BCOR: variants seen among roughly 807,000 people sequenced by gnomAD.
BCOR encodes BCL6 corepressor.
BCOR carries 10 observed loss-of-function variants against 86.7 expected under a neutral mutation model. That is an observed-to-expected ratio of 0.12 (90% confidence interval 0.07 to 0.20). BCOR has a LOEUF of 0.20. Among genes scored for constraint, BCOR ranks in the 10% least tolerant of loss-of-function variants. The pLI, the probability that BCOR is intolerant of heterozygous loss-of-function variation, is 1.00. For synonymous variants in BCOR, 611 were observed against 609.0 expected, an observed-to-expected ratio of 1.00 and a Z score of -0.05; for missense variants, 1,259 against 1,452.1, an observed-to-expected ratio of 0.87 and a Z score of 2.16.
In BCOR at chrX:40,171,968, T is replaced by G. The variant is rs756934966; in HGVS notation, c.-41+5039A>C. 2.7e-5 allele frequency among the ~76,000 whole-genome samples: 3 copies of G among 112,781 alleles called. No individual in the cohort carries two copies. In the South Asian group the frequency reaches 1.1e-3, roughly 40 times the overall value. On this transcript the variant is annotated intron_variant, in intron 1 of 14. Transcript: ENST00000342274. ...CAGAGCCTCTCTCAACGCCGGCAAG[T>G]GCAGCCGGGCCGCCCAGCCCCCAGG...
At chrX:40,139,491 ATATATATTT>A (rs1324249331) in intron 1 of BCOR, among the ~76,000 whole-genome samples, 1 of 8,278 alleles carries the variant, frequency 1.2e-4, no homozygotes, top group African/African-American at 6.9e-4. Flanking sequence ...ATATATATAT[ATATATATTT>A]TTTTTTTTTT....
chrX:40,062,066 T>A, intron 10 of BCOR, 73 bp downstream of exon 10: 1 of 1,137,246 alleles, frequency 8.8e-7, no homozygotes, highest in Non-Finnish European at 1.2e-6. Flanking sequence ...TCCATGTCCC[T>A]CCCCTCGCCC....
intron 1 of BCOR, among the ~76,000 whole-genome samples, chrX:40,160,185 G>A (rs1295511894): frequency 9.1e-6 from 1 of 109,653 alleles, no homozygotes; most frequent in Admixed American, 9.6e-5. Context: ...GCGCGATCTC[G>A]GCTCACTGCA....
chrX:40,110,362 T>C (rs1227560716), intron 1 of BCOR, among the ~76,000 whole-genome samples: 1 of 111,704 alleles, frequency 9.0e-6, no homozygotes, highest in Non-Finnish European at 1.9e-5. Context: ...AAATATACAA[T>C]TTACAAGACC....
chrX:40,063,697 G>A lies in BCOR; in HGVS notation c.3758C>T (p.Thr1253Ile), dbSNP rs1935026788. ...CCTTTTCCTGCCAGGTTTCTCTTCA[G>A]TGATGTTAGTCCCCTGAGGAATGGC... is the stretch of plus-strand genomic sequence containing the variant. ...PEAIPQGTNITEEKPGRKRAE... is the reference protein window; with the variant it reads ...PEAIPQGTNIIEEKPGRKRAE... The change falls in exon 8 of 15, where the codon ACT becomes ATT. Residue 1253 changes from threonine (T) to isoleucine (I), a missense_variant. Thr to Ile is a moderately conservative substitution (Grantham distance 89, BLOSUM62 -1). Around this residue, in one of 7 missense-constraint regions of BCOR, gnomAD observed 305 missense variants for 286.1 expected, o/e 1.07. Coordinates refer to ENST00000378444, the MANE Select transcript of BCOR (RefSeq NM_001123385.2). The A allele has an allele frequency of 8.3e-7, 1 of 1,211,445 alleles. No homozygotes were observed. The highest frequency in any genetic ancestry group is 1.1e-6 in the Non-Finnish European group (1 of 895,179).
At chrX:40,056,732 C>T (rs1026809497) in intron 11 of BCOR, among the ~76,000 whole-genome samples, 6 of 111,611 alleles carry the variant, frequency 5.4e-5, no homozygotes, top group African/African-American at 1.6e-4. Flanking sequence ...GTGAGGGCCA[C>T]GGCTGGGGAT....
At chrX:40,126,073 G>T (rs1409159433) in intron 1 of BCOR, among the ~76,000 whole-genome samples, 1 of 110,666 alleles carries the variant, frequency 9.0e-6, no homozygotes, top group Non-Finnish European at 1.9e-5. Flanking sequence ...AAAATTAGCT[G>T]GGCGTGGTGG....
rs2147254227 is a variant in BCOR at position 40,074,310 on chromosome X, G to C, written c.1036C>G (p.Pro346Ala). 1 of 1,212,243 alleles carries C rather than the reference G, an allele frequency of 8.2e-7. No homozygotes were observed. The highest frequency in any genetic ancestry group is 1.1e-6 in the Non-Finnish European group (1 of 895,658). The change falls in exon 4 of 15, where the codon CCC (proline) becomes GCC (alanine). Residue 346 changes from proline (P) to alanine (A), a missense_variant. Physicochemically the swap from Pro to Ala is conservative, Grantham distance 27. Around this residue, in one of 7 missense-constraint regions of BCOR, gnomAD observed 534 missense variants for 594.8 expected, o/e 0.90. Transcript: ENST00000378444. ...SPRPSPRVHLPTQPAADTYSE... is the reference protein window; with the variant it reads ...SPRPSPRVHLATQPAADTYSE... ...TAGGTGTCTGCAGCAGGCTGGGTGG[G>C]AAGGTGGACTCGGGGTGACGGCCGA...
chrX:40,068,008 G>A (rs1301366036), intron 6 of BCOR: 1 of 112,082 alleles, frequency 8.9e-6, no homozygotes, highest in Non-Finnish European at 1.9e-5. Flanking sequence ...TCTGTGAGTG[G>A]AATGCCATGT....
chrX:40,103,870 T>C (rs1391101248), intron 1 of BCOR, among the ~76,000 whole-genome samples: 1 of 111,970 alleles, frequency 8.9e-6, no homozygotes, highest in Admixed American at 9.5e-5. Flanking sequence ...CCCTTAGCGA[T>C]TTTGATCGGT....
intron 1 of BCOR, among the ~76,000 whole-genome samples, chrX:40,122,410 C>G (rs1254706229): frequency 9.0e-6 from 1 of 111,342 alleles, no homozygotes; most frequent in African/African-American, 3.3e-5. Context: ...GCCTGGGGTC[C>G]CTTGTTGGCA....
intron 6 of BCOR, among the ~76,000 whole-genome samples, chrX:40,067,093 A>G (rs1416794985): frequency 4.5e-5 from 5 of 111,815 alleles, no homozygotes; most frequent in Non-Finnish European, 9.4e-5. Flanking sequence ...TTTCCATTGG[A>G]GTTTTGACCT....
intron 1 of BCOR, among the ~76,000 whole-genome samples, chrX:40,175,361 C>G (rs1222662022): frequency 8.8e-6 from 1 of 113,355 alleles, no homozygotes; most frequent in African/African-American, 3.2e-5. Flanking sequence ...CCGCCCAGCG[C>G]CCGCGCGATC....
At chrX:40,088,204 G>A (rs1403911794) in intron 1 of BCOR, among the ~76,000 whole-genome samples, 3 of 112,322 alleles carry the variant, frequency 2.7e-5, no homozygotes, top group Non-Finnish European at 5.6e-5. Flanking sequence ...GGCCCCTAGG[G>A]CAAAGGTTAA....
chrX:40,174,156 TAAGTG>T (rs748991522), intron 1 of BCOR, among the ~76,000 whole-genome samples: 2 of 112,778 alleles, frequency 1.8e-5, no homozygotes, highest in Non-Finnish European at 3.8e-5. Flanking sequence ...GCCTTTGCCT[TAAGTG>T]GCTACCGGCG....
At chrX:40,091,070 T>C (rs779015174) in intron 1 of BCOR, among the ~76,000 whole-genome samples, 1 of 112,023 alleles carries the variant, frequency 8.9e-6, no homozygotes, top group East Asian at 2.8e-4. Context: ...CTTCCGAAGC[T>C]CCAGGGCTTC....
Position 40,140,596 on chromosome X carries a change from G to T in BCOR, c.-41+36411C>A, listed in dbSNP as rs771988232. Among the ~76,000 whole-genome samples, 3 of 112,824 alleles carry T rather than the reference G, an allele frequency of 2.7e-5. No individual in the cohort carries two copies. In the South Asian group the frequency reaches 1.1e-3, roughly 41 times the overall value. ...CAGCTCCATGGGGCTTATCTCTCTTGGGGAGACTTTATGTTCTCTAAGGAG... is the reference window on the plus strand; with the variant it reads ...CAGCTCCATGGGGCTTATCTCTCTTTGGGAGACTTTATGTTCTCTAAGGAG... On this transcript the variant is annotated intron_variant, in intron 1 of 14. Coordinates refer to the BCOR transcript ENST00000342274.
At chrX:40,113,706 T>C (rs1937348650) in intron 1 of BCOR, among the ~76,000 whole-genome samples, 1 of 112,248 alleles carries the variant, frequency 8.9e-6, no homozygotes, top group Non-Finnish European at 1.9e-5. Context: ...CAGAATTTTG[T>C]TTCTGGCTGT....
At chrX:40,122,335 T>G (rs938848701) in intron 1 of BCOR, among the ~76,000 whole-genome samples, 36 of 111,143 alleles carry the variant, frequency 3.2e-4, no homozygotes, top group African/African-American at 1.2e-3. Flanking sequence ...TGGGCCTACC[T>G]GACTTTCTGT....
Sources: gnomAD v4.1 joint callset for allele counts (sites outside exome capture counted in the v4.1 genomes callset) on GRCh38, gnomAD v4.1.1 for gene constraint, gnomAD v4.1.1 regional missense constraint, MANE v1.5 for transcripts, NCBI Gene and HGNC (gene_info 2026-07-23, HGNC 2026-07-21) for gene names.